Variants in ANKRD44 observed in about 807,000 individuals in gnomAD.
ANKRD44 encodes serine/threonine-protein phosphatase 6 regulatory ankyrin repeat subunit B.
ANKRD44 carries 35 observed loss-of-function variants against 116.0 expected under a neutral mutation model. The ratio of observed to expected loss-of-function variants is 0.30; its 90% CI spans 0.23 to 0.40. The LOEUF is 0.40. Among genes scored for constraint, ANKRD44 ranks in the 10% least tolerant of loss-of-function variants. The pLI is 1.00. For missense variants in ANKRD44, 1,014 were observed against 1,242.6 expected, an observed-to-expected ratio of 0.82 and a Z score of 2.77; for synonymous variants, 435 against 461.8, an observed-to-expected ratio of 0.94 and a Z score of 0.74.
chr2:197,026,991 G>A (rs1486483532), intron 16 of ANKRD44, among the ~76,000 whole-genome samples: 1 of 152,024 alleles, frequency 6.6e-6, no homozygotes, highest in Non-Finnish European at 1.5e-5. Context: ...AAGGCTGTGA[G>A]TGGGATATAT....
chr2:197,103,589 A>G (rs1156967788), intron 9 of ANKRD44, among the ~76,000 whole-genome samples: 3 of 152,218 alleles, frequency 2.0e-5, no homozygotes, highest in Admixed American at 6.5e-5. Flanking sequence ...TGTCTAAACC[A>G]TATACATACC....
intron 9 of ANKRD44, among the ~76,000 whole-genome samples, chr2:197,100,244 G>C (rs1169707348): frequency 6.6e-6 from 1 of 152,168 alleles, no homozygotes; most frequent in Non-Finnish European, 1.5e-5. Flanking sequence ...AGACCAGCCT[G>C]ACCAACATGG....
intron 16 of ANKRD44, among the ~76,000 whole-genome samples, chr2:197,072,324 T>G (rs901335334): frequency 1.3e-5 from 2 of 149,028 alleles, no homozygotes; most frequent in African/African-American, 5.2e-5. Context: ...GAGAAATGTG[T>G]GCACATATGT....
intron 14 of ANKRD44, 71 bp from the exon 15 acceptor site, chr2:197,081,796 G>T: frequency 2.4e-6 from 3 of 1,267,394 alleles, no homozygotes; most frequent in Non-Finnish European, 2.3e-6. Context: ...TAATGGTTTT[G>T]GTGCAATTTA....
chr2:197,309,254 T>C (rs2084166800), intron 1 of ANKRD44, among the ~76,000 whole-genome samples: 1 of 152,200 alleles, frequency 6.6e-6, no homozygotes, highest in South Asian at 2.1e-4. Flanking sequence ...GAAATCCTGA[T>C]ATCAACTTAC....
intron 1 of ANKRD44, among the ~76,000 whole-genome samples, chr2:197,262,312 G>A (rs1453934831): frequency 1.3e-5 from 2 of 152,140 alleles, no homozygotes; most frequent in Admixed American, 1.3e-4. Flanking sequence ...TTATTAATAT[G>A]ATTCCCCACA....
In ANKRD44 at chr2:197,138,924, T is replaced by A. The variant is rs550063609; in HGVS notation, c.191-2262A>T. 2.6e-5 allele frequency among the ~76,000 whole-genome samples: 4 copies of A among 152,298 alleles called. No individual in the cohort carries two copies. In the East Asian group the frequency reaches 7.7e-4, roughly 29 times the overall value. ...AGAAACCCAAATGTCAAGACACATA[T>A]GGAAAGGTACTTCTCAAAATTCGTC... On this transcript the variant is annotated intron_variant, in intron 3 of 27. Transcript: ENST00000282272.
At chr2:197,094,258 C>T (rs2078110518) in intron 10 of ANKRD44, among the ~76,000 whole-genome samples, 1 of 152,148 alleles carries the variant, frequency 6.6e-6, no homozygotes, top group African/African-American at 2.4e-5. Flanking sequence ...CCTCATTTTG[C>T]CACTTGCTAT....
chr2:197,016,360 T>C (rs1020166459), intron 17 of ANKRD44, among the ~76,000 whole-genome samples: 2 of 152,228 alleles, frequency 1.3e-5, no homozygotes, highest in African/African-American at 2.4e-5. Context: ...GGTAGTGGTA[T>C]GAGGATTAAA....
chr2:197,039,371 A>C (rs1244479070), intron 16 of ANKRD44, among the ~76,000 whole-genome samples: 2 of 152,196 alleles, frequency 1.3e-5, no homozygotes, highest in African/African-American at 4.8e-5. Context: ...ATGCATTCTT[A>C]ATATCTCTCC....
intron 1 of ANKRD44, among the ~76,000 whole-genome samples, chr2:197,258,488 G>A (rs956438196): frequency 6.6e-5 from 10 of 151,910 alleles, no homozygotes; most frequent in East Asian, 1.9e-4. Flanking sequence ...CAATTCATAC[G>A]TCATTGGACG....
intron 16 of ANKRD44, chr2:197,077,934 G>A (rs917379008): frequency 2.0e-5 from 3 of 152,012 alleles, no homozygotes; most frequent in African/African-American, 7.3e-5. Context: ...CCTTCTTATG[G>A]ACAGGAAAAA....
chr2:196,986,679 C>T lies in ANKRD44; in HGVS notation c.*2912G>A, dbSNP rs943610909. The T allele has an allele frequency of 2.1e-6, 2 of 964,868 alleles. No homozygotes were observed. Among genetic ancestry groups the T allele is most frequent in the African/African-American group, 1.8e-5 (1 of 56,728 alleles). The allele number at this position is 964,868 out of a possible 1,614,324, so 59.8% of individuals were successfully genotyped here. On this transcript the variant is annotated 3_prime_UTR_variant, in exon 28 of 28. Coordinates refer to ENST00000282272, the MANE Select transcript of ANKRD44 (RefSeq NM_001195144.2). ...AACACAAATTCCAACAATATTTGTA[C>T]CGTTTTTATTTGTAAAAATAACCAT...
chr2:197,165,325 T>G lies in ANKRD44; in HGVS notation c.112-18220A>C, dbSNP rs187706329. Among the ~76,000 whole-genome samples the G allele has an allele frequency of 8.2e-4, 125 of 152,286 alleles. 1 individual carries two copies. Among genetic ancestry groups the G allele is most frequent in the African/African-American group, 3.0e-3 (123 of 41,542 alleles). ...GATGCTCAGGATCAGAGGAACAAAATGGAACGTGCCAGACTCCGTGGGAGG... is the reference window on the plus strand; with the variant it reads ...GATGCTCAGGATCAGAGGAACAAAAGGGAACGTGCCAGACTCCGTGGGAGG... On this transcript the variant is annotated intron_variant, in intron 2 of 27. Coordinates refer to ENST00000282272, the MANE Select transcript of ANKRD44 (RefSeq NM_001195144.2).
intron 4 of ANKRD44, among the ~76,000 whole-genome samples, chr2:197,126,592 T>C (rs955173050): frequency 4.6e-5 from 7 of 152,156 alleles, no homozygotes; most frequent in Admixed American, 1.3e-4. Context: ...TTCACCTTCA[T>C]TGGGCCTCCC....
chr2:197,136,366 C>G, intron 4 of ANKRD44: 1 of 549,188 alleles, frequency 1.8e-6, no homozygotes, highest in Non-Finnish European at 3.3e-6. Context: ...CATTGAAATT[C>G]AGGATCATGC....
chr2:197,068,409 T>TAAAAAAAAAAAAAAAAAAAAAATA, intron 16 of ANKRD44, among the ~76,000 whole-genome samples: 1 of 132,036 alleles, frequency 7.6e-6, no homozygotes, highest in Middle Eastern at 3.7e-3. Flanking sequence ...AAAAATAAAA[T>TAAAAAAAAAAAAAAAAAAAAAATA]AAAAAAAAAT....
At chr2:197,048,195 A>AT (rs928659506) in intron 16 of ANKRD44, among the ~76,000 whole-genome samples, 16 of 151,960 alleles carry the variant, frequency 1.1e-4, no homozygotes, top group East Asian at 5.8e-4. Context: ...TATTCATTGT[A>AT]TTTTTTTATT....
chr2:197,066,199 T>A (rs537798767), intron 16 of ANKRD44, among the ~76,000 whole-genome samples: 34 of 152,168 alleles, frequency 2.2e-4, no homozygotes, highest in Non-Finnish European at 4.1e-4. Flanking sequence ...CACATGATTA[T>A]CTCAATAGAT....
Sources: allele counts gnomAD v4.1 joint callset (sites outside exome capture counted in the v4.1 genomes callset), GRCh38; gene constraint gnomAD v4.1.1; transcripts MANE v1.5; gene names NCBI Gene and HGNC (gene_info 2026-07-23, HGNC 2026-07-21).